The following FBN1 variants were observed in gnomAD, a reference collection of about 807,000 sequenced individuals.
FBN1 encodes the protein fibrillin 1, also known as fibrillin-1.
In FBN1, 29 loss-of-function variants were observed where a neutral mutation model predicts 365.1. That is an observed-to-expected ratio of 0.08 (90% confidence interval 0.06 to 0.11). The LOEUF (loss-of-function observed/expected upper bound fraction) is 0.11, where lower values mean the gene tolerates loss of function less well. Among genes scored for constraint, FBN1 ranks in the 10% least tolerant of loss-of-function variants. FBN1 has a pLI of 1.00. For synonymous variants in FBN1, 1,210 were observed against 1,270.5 expected (o/e 0.95, Z 1.01); for missense variants, 2,476 against 3,703.2 (o/e 0.67, Z 8.60).
rs11853943 is a variant in FBN1 at position 48,487,205 on chromosome 15, C to T, written c.3464-5G>A. The T allele has an allele frequency of 0.16, 251,410 of 1,613,816 alleles. 21,807 individuals are homozygous for T. The highest frequency in any genetic ancestry group is 0.39 in the East Asian group (17,529 of 44,836). ...TCAGCTCACATTCATTGATGTCTGT[C>T]GGGAAAATAAGAAGAACAAACACCC... is the stretch of plus-strand genomic sequence containing the variant. On this transcript the variant is annotated splice_region_variant and splice_polypyrimidine_tract_variant and intron_variant, in intron 28 of 65. Coordinates refer to ENST00000316623, the MANE Select transcript of FBN1 (RefSeq NM_000138.5).
chr15:48,445,853 G>A (rs1384576052), intron 47 of FBN1, among the ~76,000 whole-genome samples: 1 of 151,776 alleles, frequency 6.6e-6, no homozygotes, highest in African/African-American at 2.4e-5. Context: ...TCAGCTAAGG[G>A]CATTCCTTTG....
intron 24 of FBN1, among the ~76,000 whole-genome samples, chr15:48,491,881 A>C (rs1269300546): frequency 6.6e-6 from 1 of 152,216 alleles, no homozygotes; most frequent in Non-Finnish European, 1.5e-5. Flanking sequence ...TCACGAGCCC[A>C]TAGGGACTTA....
intron 26 of FBN1, 45 bp downstream of exon 26, chr15:48,488,323 T>G: frequency 6.2e-7 from 1 of 1,613,932 alleles, no homozygotes; most frequent in Non-Finnish European, 8.5e-7. Flanking sequence ...ATAAAGAGTT[T>G]TAAAGGACGT....
At chr15:48,593,831 T>A (rs1471866912) in intron 6 of FBN1, among the ~76,000 whole-genome samples, 1 of 152,120 alleles carries the variant, frequency 6.6e-6, no homozygotes, top group Non-Finnish European at 1.5e-5. Flanking sequence ...GAGAGAGTAC[T>A]AAGGGAAAAT....
chr15:48,508,721 T>C lies in FBN1; in HGVS notation c.1715-17A>G, dbSNP rs1004819057. On this transcript the variant is annotated splice_polypyrimidine_tract_variant and intron_variant, in intron 14 of 65. Transcript: ENST00000316623. ...CATCCATATCTGAAAATACAAAACA[T>C]ACATTTTCTTATGACCAGAAGAGTA... is the stretch of plus-strand genomic sequence containing the variant. 4 of 1,612,978 alleles carry C rather than the reference T, an allele frequency of 2.5e-6. No individual in the cohort carries two copies. The highest frequency in any genetic ancestry group is 3.4e-6 in the Non-Finnish European group (4 of 1,179,458).
At chr15:48,548,562 A>G (rs1233753445) in intron 6 of FBN1, among the ~76,000 whole-genome samples, 1 of 152,206 alleles carries the variant, frequency 6.6e-6, no homozygotes, top group African/African-American at 2.4e-5. Flanking sequence ...TCCTACAACT[A>G]CTAAATCATG....
chr15:48,495,072 A>T, intron 22 of FBN1, 51 bp downstream of exon 22: 1 of 1,611,758 alleles, frequency 6.2e-7, no homozygotes, highest in South Asian at 1.1e-5. Flanking sequence ...TCCCCTTTTT[A>T]TGCAAAGACC....
intron 4 of FBN1, among the ~76,000 whole-genome samples, chr15:48,602,786 G>T (rs924108546): frequency 6.6e-6 from 1 of 152,112 alleles, no homozygotes; most frequent in Non-Finnish European, 1.5e-5. Flanking sequence ...AAATGATTTA[G>T]TGAAAACTTT....
At chr15:48,460,146 T>C in intron 43 of FBN1, 100 bp downstream of exon 43, 1 of 828,692 alleles carries the variant, frequency 1.2e-6, no homozygotes, top group South Asian at 1.4e-5. Flanking sequence ...AGGCATTGTT[T>C]AATATTTTTT....
intron 6 of FBN1, among the ~76,000 whole-genome samples, chr15:48,545,604 G>C (rs1462421586): frequency 2.0e-5 from 3 of 152,142 alleles, no homozygotes; most frequent in Admixed American, 6.6e-5. Flanking sequence ...AACATGAAAA[G>C]GTTCTGGAGA....
At position 48,596,338 on chromosome 15, in the gene FBN1, C is replaced by A; in HGVS notation, c.483G>T (p.Val161=). 1 of 1,614,088 alleles carries A rather than the reference C, an allele frequency of 6.2e-7. No homozygotes were observed. Among genetic ancestry groups the A allele is most frequent in the Non-Finnish European group, 8.5e-7 (1 of 1,179,930 alleles). Residue 161 remains valine, a synonymous_variant, in exon 6 of 66, where the codon GTG becomes GTT. Coordinates refer to ENST00000316623, the MANE Select transcript of FBN1 (RefSeq NM_000138.5). ...ESGCLNGGRC[V]APNRCACTYG... Reference sequence around the variant, plus strand: ...AAGTGCATGCACATCGATTTGGGGCCACACACCTTCCTCCATTGAGACAGC... The same window carrying A: ...AAGTGCATGCACATCGATTTGGGGCAACACACCTTCCTCCATTGAGACAGC...
At chr15:48,418,853 A>C (rs73390296) in intron 63 of FBN1, among the ~76,000 whole-genome samples, 3 of 152,302 alleles carry the variant, frequency 2.0e-5, no homozygotes, top group Non-Finnish European at 4.4e-5. Flanking sequence ...CTGTGGCCTT[A>C]AGGGAGTACC....
chr15:48,492,523 C>T lies in FBN1; in HGVS notation c.2792G>A (p.Gly931Glu), dbSNP rs200078617. ...ACTGGGACACTGACACTTGAATGAC[C>T]CCCTAGTGTTAACACACAGGCCATT... ...CKNGLCVNTR[G>E]SFKCQCPSGM... Residue 931 changes from glycine to glutamate, a missense_variant, in exon 24 of 66, where the codon GGG (glycine) becomes GAG (glutamate). Transcript: ENST00000316623. 6.2e-7 allele frequency: 1 copy of T among 1,612,056 alleles called. No individual in the cohort carries two copies. The highest frequency in any genetic ancestry group is 8.5e-7 in the Non-Finnish European group (1 of 1,178,348).
At chr15:48,608,770 C>T (rs1337261864) in intron 4 of FBN1, among the ~76,000 whole-genome samples, 1 of 152,112 alleles carries the variant, frequency 6.6e-6, no homozygotes, top group African/African-American at 2.4e-5. Context: ...CTAAATCTGG[C>T]CCCAGGACCT....
Position 48,559,514 on chromosome 15 carries a change from C to A in FBN1, c.539-21706G>T, listed in dbSNP as rs985910834. ...CAGACCTCTGTGAGGAGCCAGGGTC[C>A]GGAGCAAAGCACAGTTTTTACAATC... On this transcript the variant is annotated intron_variant, in intron 6 of 65. Transcript: ENST00000316623. Among the ~76,000 whole-genome samples the A allele has an allele frequency of 2.0e-5, 3 of 152,212 alleles. No homozygotes were observed. The East Asian group carries it at 5.8e-4, about 29-fold the overall frequency.
chr15:48,430,839 A>G, intron 55 of FBN1, 37 bp from the exon 56 acceptor site: 1 of 1,606,982 alleles, frequency 6.2e-7, no homozygotes, highest in Non-Finnish European at 8.5e-7. Context: ...TGTCAAAGAA[A>G]ATGCATATAT....
At chr15:48,590,849 C>T (rs1427316903) in intron 6 of FBN1, among the ~76,000 whole-genome samples, 1 of 152,192 alleles carries the variant, frequency 6.6e-6, no homozygotes, top group Non-Finnish European at 1.5e-5. Flanking sequence ...AATGCTTTCC[C>T]CTATACTTTA....
intron 6 of FBN1, among the ~76,000 whole-genome samples, chr15:48,571,571 C>A (rs2044305804): frequency 2.0e-5 from 3 of 152,022 alleles, no homozygotes; most frequent in Non-Finnish European, 4.4e-5. Flanking sequence ...ATTTAAGAAC[C>A]TATTTCAATA....
chr15:48,434,767 T>C (rs2043052678), intron 53 of FBN1, 54 bp from the exon 54 acceptor site: 2 of 1,599,916 alleles, frequency 1.3e-6, no homozygotes, highest in Non-Finnish European at 1.7e-6. Flanking sequence ...TAATACCTTT[T>C]ATTCTATCAG....
Sources: gnomAD v4.1 joint callset for allele counts (sites outside exome capture counted in the v4.1 genomes callset) on GRCh38, gnomAD v4.1.1 for gene constraint, MANE v1.5 for transcripts, NCBI Gene and HGNC (gene_info 2026-07-23, HGNC 2026-07-21) for gene names.